Variants in FGF10 observed in about 807,000 individuals in gnomAD.
FGF10 encodes fibroblast growth factor 10.
A neutral mutation model predicts 19.8 loss-of-function variants in FGF10; 2 were observed. The observed-to-expected ratio is 0.10, with a 90% confidence interval of 0.04 to 0.32. FGF10 has a LOEUF of 0.32. Ranked by LOEUF, FGF10 falls within the 10% of genes least tolerant of loss-of-function variation. FGF10 has a pLI of 1.00. For missense variants in FGF10, 191 were observed against 246.3 expected, an observed-to-expected ratio of 0.78 and a Z score of 1.50; for synonymous variants, 112 against 94.0, an observed-to-expected ratio of 1.19 and a Z score of -1.10.
intron 1 of FGF10, among the ~76,000 whole-genome samples, chr5:44,312,888 GTAATAGTA>G (rs1328888629): frequency 6.6e-6 from 1 of 152,056 alleles, no homozygotes; most frequent in African/African-American, 2.4e-5. Flanking sequence ...CTGAGCTATA[GTAATAGTA>G]TAAGATACAA....
At chr5:44,317,965 A>C (rs1354244075) in intron 1 of FGF10, among the ~76,000 whole-genome samples, 1 of 152,142 alleles carries the variant, frequency 6.6e-6, no homozygotes, top group African/African-American at 2.4e-5. Context: ...GAATTCACAA[A>C]GTGTGAAATG....
At chr5:44,307,145 G>A (rs1029612662) in intron 2 of FGF10, among the ~76,000 whole-genome samples, 1 of 152,108 alleles carries the variant, frequency 6.6e-6, no homozygotes, top group African/African-American at 2.4e-5. Flanking sequence ...TTAATTTATA[G>A]AGTAATGTTT....
chr5:44,376,723 CTTCTT>C (rs1352313334), intron 1 of FGF10, among the ~76,000 whole-genome samples: 1 of 151,736 alleles, frequency 6.6e-6, no homozygotes, highest in Non-Finnish European at 1.5e-5. Flanking sequence ...CAGAAGAACT[CTTCTT>C]TTCCATGTCC....
rs568617736 is a variant in FGF10 at position 44,313,039 on chromosome 5, AT to A, written c.326-2510del. ...ACAATATTCAAAGACTCAATCAACC[AT>A]TTTTTTTCCACTTTGCAACTAGTTT... On this transcript the variant is annotated intron_variant, in intron 1 of 2. Coordinates refer to ENST00000264664, the MANE Select transcript of FGF10 (RefSeq NM_004465.2). 1.8e-4 allele frequency among the ~76,000 whole-genome samples: 27 copies of A among 151,820 alleles called. 2 individuals carry two copies. Among genetic ancestry groups the A allele is most frequent in the South Asian group, 1.2e-3 (6 of 4,808 alleles).
intron 1 of FGF10, among the ~76,000 whole-genome samples, chr5:44,332,972 T>C (rs1326205399): frequency 6.6e-6 from 1 of 152,082 alleles, no homozygotes; most frequent in Non-Finnish European, 1.5e-5. Context: ...TACATAGTTC[T>C]TGATCACTAG....
chr5:44,367,119 A>T (rs6859730), intron 1 of FGF10, among the ~76,000 whole-genome samples: 81,125 of 151,912 alleles, frequency 0.53, 23,797 homozygotes, highest in Non-Finnish European at 0.67. Context: ...AACTGAAAGA[A>T]CTGATAGAAA....
Position 44,302,319 on chromosome 5 carries a change from C to T in FGF10, c.*2676G>A, listed in dbSNP as rs1739984446. Among the ~76,000 whole-genome samples the T allele has an allele frequency of 7.0e-6, 1 of 142,320 alleles. No individual in the cohort carries two copies. Among genetic ancestry groups the T allele is most frequent in the African/African-American group, 2.6e-5 (1 of 37,984 alleles). The allele number at this position is 142,320 out of a possible 152,430, so 93.4% of individuals were successfully genotyped here. ...CCTTCCTTCCTTCCTTCCTTCCTTC[C>T]TTCCTTCCTTCCTGTCTTTCTGTCT... On this transcript the variant is annotated 3_prime_UTR_variant, in exon 3 of 3. Transcript: ENST00000264664.
At chr5:44,310,223 T>C (rs574484710) in intron 2 of FGF10, among the ~76,000 whole-genome samples, 9 of 152,188 alleles carry the variant, frequency 5.9e-5, no homozygotes, top group African/African-American at 2.2e-4. Context: ...GCCTGTGTGG[T>C]AGACTAATGG....
At chr5:44,387,337 A>T (rs1455797953) in intron 1 of FGF10, among the ~76,000 whole-genome samples, 2 of 152,082 alleles carry the variant, frequency 1.3e-5, no homozygotes, top group South Asian at 2.1e-4. Context: ...GAAGGGAAAG[A>T]GAGAAAGAAG....
intron 1 of FGF10, among the ~76,000 whole-genome samples, chr5:44,321,156 G>T (rs1349160568): frequency 6.6e-6 from 1 of 152,166 alleles, no homozygotes; most frequent in Non-Finnish European, 1.5e-5. Flanking sequence ...GATCCTTCCT[G>T]CTGCTAAGGA....
At chr5:44,377,399 A>C (rs1741890422) in intron 1 of FGF10, among the ~76,000 whole-genome samples, 1 of 152,202 alleles carries the variant, frequency 6.6e-6, no homozygotes, top group African/African-American at 2.4e-5. Flanking sequence ...AACAACTACC[A>C]AGTTTAATAA....
intron 1 of FGF10, among the ~76,000 whole-genome samples, chr5:44,366,645 T>C (rs914847707): frequency 2.0e-5 from 3 of 152,050 alleles, no homozygotes; most frequent in African/African-American, 7.2e-5. Context: ...GATTTGTGAA[T>C]ATCAATTTGC....
At chr5:44,383,289 C>T (rs1024462872) in intron 1 of FGF10, among the ~76,000 whole-genome samples, 2 of 152,028 alleles carry the variant, frequency 1.3e-5, no homozygotes, top group African/African-American at 4.8e-5. Flanking sequence ...TAAAGAAATG[C>T]ACTGGAATAA....
rs1186203484 is a variant in FGF10 at position 44,302,275 on chromosome 5, TTTCCTTGCTTCCTTCCTTCC to T, written c.*2700_*2719del. On this transcript the variant is annotated 3_prime_UTR_variant, in exon 3 of 3. Coordinates refer to ENST00000264664, the MANE Select transcript of FGF10 (RefSeq NM_004465.2). ...CCTCCCTTCTTTCCTTCCTTCCTTC[TTTCCTTGCTTCCTTCCTTCC>T]TTCCTTCCTTCCTTCCTTCCTTCCT... Among the ~76,000 whole-genome samples the T allele has an allele frequency of 3.8e-3, 515 of 136,456 alleles. 7 individuals are homozygous for T. The highest frequency in any genetic ancestry group is 0.013 in the African/African-American group (463 of 35,402). 89.5% of individuals were successfully genotyped at this position (136,456 alleles called of 152,430 possible).
intron 1 of FGF10, among the ~76,000 whole-genome samples, chr5:44,348,982 G>T (rs1452350932): frequency 6.6e-6 from 1 of 151,354 alleles, no homozygotes; most frequent in East Asian, 1.9e-4. Flanking sequence ...GTGAACCAGG[G>T]TTTCTCTTCT....
At chr5:44,334,902 A>C (rs1303680172) in intron 1 of FGF10, among the ~76,000 whole-genome samples, 1 of 152,142 alleles carries the variant, frequency 6.6e-6, no homozygotes, top group Non-Finnish European at 1.5e-5. Context: ...TAAGCATAAG[A>C]TAAATCCCTG....
rs551512265 is a variant in FGF10 at position 44,350,325 on chromosome 5, A to C, written c.325+38033T>G. ...CATGAGAAAAGCCTAAACCCAGGAT[A>C]AAATGTACTGTATACAGTATGATGT... is the stretch of plus-strand genomic sequence containing the variant. On this transcript the variant is annotated intron_variant, in intron 1 of 2. Coordinates refer to ENST00000264664, the MANE Select transcript of FGF10 (RefSeq NM_004465.2). 7.9e-5 allele frequency among the ~76,000 whole-genome samples: 12 copies of C among 151,168 alleles called. No individual in the cohort carries two copies. The South Asian group carries it at 1.0e-3, about 13-fold the overall frequency.
At chr5:44,365,946 G>A (rs339500) in intron 1 of FGF10, among the ~76,000 whole-genome samples, 151,767 of 151,902 alleles carry the variant, frequency 1, 75,818 homozygotes, top group Non-Finnish European at 1. Flanking sequence ...ACCACAGTTG[G>A]AAAATTTCTG....
intron 1 of FGF10, among the ~76,000 whole-genome samples, chr5:44,372,544 C>T (rs1469847153): frequency 2.0e-5 from 3 of 152,076 alleles, no homozygotes; most frequent in African/African-American, 7.2e-5. Flanking sequence ...CTGTATCCTA[C>T]CTAAATTAAA....
Sources: allele counts gnomAD v4.1 joint callset (sites outside exome capture counted in the v4.1 genomes callset), GRCh38; gene constraint gnomAD v4.1.1; transcripts MANE v1.5; gene names NCBI Gene and HGNC (gene_info 2026-07-23, HGNC 2026-07-21).